The following CNTNAP2 variants were observed in gnomAD, a reference collection of about 807,000 sequenced individuals.
CNTNAP2 encodes the protein contactin-associated protein-like 2.
Under a neutral mutation model 155.2 loss-of-function variants are expected in CNTNAP2, and 98 were observed. That is an observed-to-expected ratio of 0.63 (90% CI 0.54 to 0.75). The LOEUF is 0.75. Among genes scored for constraint, CNTNAP2 ranks in the 30% least tolerant of loss-of-function variants. The probability of loss-of-function intolerance (pLI) is 0.00; values close to 1 mark genes in which losing one functional copy is unlikely to be tolerated. For synonymous variants in CNTNAP2, 651 were observed against 631.2 expected, an observed-to-expected ratio of 1.03 and a Z score of -0.47; for missense variants, 1,727 against 1,688.1, an observed-to-expected ratio of 1.02 and a Z score of -0.40.
intron 2 of CNTNAP2, among the ~76,000 whole-genome samples, chr7:146,778,474 G>C (rs940993396): frequency 2.6e-5 from 4 of 152,046 alleles, no homozygotes; most frequent in African/African-American, 9.7e-5. Flanking sequence ...TAGTTTATTG[G>C]TGCTGTTGTT....
chr7:147,399,904 A>G (rs1321683602), intron 10 of CNTNAP2, among the ~76,000 whole-genome samples: 1 of 152,144 alleles, frequency 6.6e-6, no homozygotes, highest in Non-Finnish European at 1.5e-5. Context: ...CCTTAGTGAT[A>G]ATCTGCTCTT....
At chr7:146,229,260 C>T (rs556819546) in intron 1 of CNTNAP2, among the ~76,000 whole-genome samples, 10 of 152,228 alleles carry the variant, frequency 6.6e-5, no homozygotes, top group African/African-American at 1.9e-4. Flanking sequence ...TGTCAGAAAA[C>T]ACTAAGAACA....
At chr7:147,624,025 C>T (rs983980684) in intron 12 of CNTNAP2, among the ~76,000 whole-genome samples, 2 of 152,002 alleles carry the variant, frequency 1.3e-5, no homozygotes, top group African/African-American at 2.4e-5. Context: ...ACAGTCTCTT[C>T]AATAAATGGT....
At chr7:146,550,421 T>TG (rs1798103358) in intron 1 of CNTNAP2, among the ~76,000 whole-genome samples, 1 of 95,270 alleles carries the variant, frequency 1.0e-5, no homozygotes, top group Admixed American at 1.0e-4. Context: ...TTTTTTTTTT[T>TG]TTTTTTTTAT....
intron 13 of CNTNAP2, among the ~76,000 whole-genome samples, chr7:147,765,122 C>T (rs891421205): frequency 6.6e-6 from 1 of 152,144 alleles, no homozygotes; most frequent in Non-Finnish European, 1.5e-5. Context: ...TCATGTCAAA[C>T]CTCTGGCTAA....
At chr7:148,184,153 C>T (rs1163167124) in intron 18 of CNTNAP2, among the ~76,000 whole-genome samples, 1 of 152,000 alleles carries the variant, frequency 6.6e-6, no homozygotes, top group African/African-American at 2.4e-5. Context: ...GATATGTAAA[C>T]CAGGCACGGT....
At chr7:146,150,035 C>A (rs1348512906) in intron 1 of CNTNAP2, among the ~76,000 whole-genome samples, 1 of 152,022 alleles carries the variant, frequency 6.6e-6, no homozygotes, top group Non-Finnish European at 1.5e-5. Flanking sequence ...TTTGACAAAG[C>A]AGTTGTACCC....
chr7:147,513,913 A>G (rs190709183), intron 11 of CNTNAP2, among the ~76,000 whole-genome samples: 4 of 152,336 alleles, frequency 2.6e-5, no homozygotes, highest in Non-Finnish European at 5.9e-5. Context: ...GTTTTGGAAG[A>G]CACACCTGAA....
intron 1 of CNTNAP2, among the ~76,000 whole-genome samples, chr7:146,138,719 A>G (rs1797833641): frequency 1.3e-5 from 2 of 152,016 alleles, no homozygotes; most frequent in Non-Finnish European, 2.9e-5. Flanking sequence ...AGTTGATATC[A>G]TGGGGAAATC....
intron 1 of CNTNAP2, among the ~76,000 whole-genome samples, chr7:146,533,107 C>CAAAAAAA (rs553035616): frequency 3.1e-4 from 15 of 47,848 alleles, no homozygotes; most frequent in African/African-American, 8.8e-4. Flanking sequence ...GACCCTGTCT[C>CAAAAAAA]AAAAAAAAAA....
chr7:148,257,543 AC>A (rs984255069), intron 20 of CNTNAP2, among the ~76,000 whole-genome samples: 1 of 152,100 alleles, frequency 6.6e-6, no homozygotes, highest in Non-Finnish European at 1.5e-5. Context: ...TCTCATCTGC[AC>A]CCATGGCTGT....
At chr7:146,666,917 T>C (rs969608698) in intron 1 of CNTNAP2, among the ~76,000 whole-genome samples, 17 of 152,342 alleles carry the variant, frequency 1.1e-4, no homozygotes, top group African/African-American at 3.6e-4. Context: ...TGCAAATATT[T>C]TATCTCATTC....
intron 21 of CNTNAP2, among the ~76,000 whole-genome samples, chr7:148,326,141 T>C (rs1797882633): frequency 6.6e-6 from 1 of 151,818 alleles, no homozygotes; most frequent in Non-Finnish European, 1.5e-5. Flanking sequence ...AAACAGGTTT[T>C]TTTTTTTCAT....
intron 8 of CNTNAP2, among the ~76,000 whole-genome samples, chr7:147,221,066 A>G (rs986029069): frequency 1.3e-5 from 2 of 151,884 alleles, no homozygotes; most frequent in Admixed American, 1.3e-4. Context: ...TGCAATATGC[A>G]TTTATATATA....
intron 9 of CNTNAP2, among the ~76,000 whole-genome samples, chr7:147,315,908 C>T (rs185725434): frequency 4.0e-5 from 6 of 151,850 alleles, no homozygotes; most frequent in Non-Finnish European, 7.4e-5. Flanking sequence ...GTACTTTATC[C>T]CTATTTATTG....
At chr7:146,701,833 A>G (rs930665775) in intron 1 of CNTNAP2, among the ~76,000 whole-genome samples, 1 of 152,198 alleles carries the variant, frequency 6.6e-6, no homozygotes, top group African/African-American at 2.4e-5. Context: ...TAAAAGAGAC[A>G]GTCTTTCATA....
intron 21 of CNTNAP2, among the ~76,000 whole-genome samples, chr7:148,290,982 T>C (rs1797178788): frequency 6.6e-6 from 1 of 152,138 alleles, no homozygotes; most frequent in Non-Finnish European, 1.5e-5. Context: ...GAAAGGATGG[T>C]TTTGGTGTTG....
chr7:147,788,900 C>CTTTTTTTTTTTTTT (rs11440955), intron 13 of CNTNAP2, among the ~76,000 whole-genome samples: 6 of 100,748 alleles, frequency 6.0e-5, no homozygotes, highest in African/African-American at 1.3e-4. Flanking sequence ...TTTTCTTTTT[C>CTTTTTTTTTTTTTT]TTTTTTTTTT....
intron 13 of CNTNAP2, among the ~76,000 whole-genome samples, chr7:147,690,346 A>C (rs1371125906): frequency 6.6e-6 from 1 of 152,150 alleles, no homozygotes; most frequent in Non-Finnish European, 1.5e-5. Context: ...CTTTAAAACC[A>C]AACAGGTTTC....
Sources: allele counts gnomAD v4.1 joint callset (sites outside exome capture counted in the v4.1 genomes callset), GRCh38; gene constraint gnomAD v4.1.1; transcripts MANE v1.5; gene names NCBI Gene and HGNC (gene_info 2026-07-23, HGNC 2026-07-21).